RAVER2: variants seen among roughly 807,000 people sequenced by gnomAD.
The protein encoded by RAVER2 is ribonucleoprotein, PTB binding 2, also known as ribonucleoprotein PTB-binding 2.
A neutral mutation model predicts 78.1 loss-of-function variants in RAVER2; 46 were observed. That is an observed-to-expected ratio of 0.59 (90% CI 0.46 to 0.75). The LOEUF (loss-of-function observed/expected upper bound fraction) is 0.75, where lower values mean the gene tolerates loss of function less well. Among genes scored for constraint, RAVER2 ranks in the 30% least tolerant of loss-of-function variants. The pLI is 0.00. For synonymous variants in RAVER2, 311 were observed against 313.3 expected (o/e 0.99, Z 0.08); for missense variants, 793 against 837.5 (o/e 0.95, Z 0.66).
chr1:64,778,142 T>A (rs1218583204), intron 3 of RAVER2, 50 bp downstream of exon 3: 4 of 1,299,156 alleles, frequency 3.1e-6, no homozygotes, highest in Non-Finnish European at 4.2e-6. Flanking sequence ...TATACATATG[T>A]ATCTAATCTA....
At chr1:64,807,561 C>A in intron 9 of RAVER2, 87 bp downstream of exon 9, 1 of 1,268,668 alleles carries the variant, frequency 7.9e-7, no homozygotes, top group Non-Finnish European at 1.0e-6. Context: ...ATTGTCGTGT[C>A]AATGAAATGA....
chr1:64,814,948 A>C, intron 11 of RAVER2, 108 bp downstream of exon 11: 2 of 957,594 alleles, frequency 2.1e-6, no homozygotes, highest in Non-Finnish European at 2.9e-6. Flanking sequence ...TAGGCAAATC[A>C]AATTGCACTG....
rs1019817990 is a variant in RAVER2, at chr1:64,745,460, C to T, written c.249+39C>T. ...GATAGGGGCGACGCGTCCCGAGGGG[C>T]GGCGGGGCGGCGCTCCGTGTCCAGG... On this transcript the variant is annotated intron_variant, in intron 1 of 11. Coordinates refer to ENST00000294428, the Ensembl canonical transcript of RAVER2. The surrounding 1 kb of genome is among the most constrained non-coding windows in gnomAD (Gnocchi z 4.3). 8 of 1,481,540 alleles carry T rather than the reference C, an allele frequency of 5.4e-6. No homozygotes were observed. Among genetic ancestry groups the T allele is most frequent in the African/African-American group, 1.4e-5 (1 of 68,998 alleles). 91.8% of individuals were successfully genotyped at this position (1,481,540 alleles called of 1,614,324 possible). A position where few individuals can be genotyped will look rare whatever the true frequency, so the allele number is the denominator to read the frequency against.
chr1:64,829,959 C>A (rs1039946245), intron 11 of RAVER2, among the ~76,000 whole-genome samples: 2 of 151,946 alleles, frequency 1.3e-5, no homozygotes, highest in Non-Finnish European at 2.9e-5. Flanking sequence ...TCATCTGTTC[C>A]CTCTGAGGCT....
At chr1:64,804,475 A>C (rs2100873723) in intron 6 of RAVER2, among the ~76,000 whole-genome samples, 1 of 152,302 alleles carries the variant, frequency 6.6e-6, no homozygotes. Flanking sequence ...ATAGAATGTC[A>C]CTGTCATTGA....
Position 64,798,214 on chromosome 1 carries a change from A to G in RAVER2, c.1106-4762A>G, listed in dbSNP as rs372949787. On this transcript the variant is annotated intron_variant, in intron 5 of 11. Transcript: ENST00000294428. ...TTGCGATAGTTTACTGAGAATGATG[A>G]TTTCCAATTTCATCCATGTCCCTAC... Among the ~76,000 whole-genome samples, 485 of 129,912 alleles carry G rather than the reference A, an allele frequency of 3.7e-3. 6 individuals are homozygous for G. Among genetic ancestry groups the G allele is most frequent in the African/African-American group, 0.014 (465 of 34,390 alleles). 85.2% of individuals were successfully genotyped at this position (129,912 alleles called of 152,430 possible).
At chr1:64,750,421 A>G (rs1651668012) in intron 1 of RAVER2, among the ~76,000 whole-genome samples, 1 of 150,932 alleles carries the variant, frequency 6.6e-6, no homozygotes, top group African/African-American at 2.4e-5. Flanking sequence ...TGATCTTTCC[A>G]TCTCAGCCAT....
intron 1 of RAVER2, among the ~76,000 whole-genome samples, chr1:64,749,507 G>A (rs1475183258): frequency 3.3e-5 from 5 of 152,140 alleles, no homozygotes; most frequent in South Asian, 2.1e-4. Flanking sequence ...CACCGTGCCC[G>A]GCCAGTCCTG....
At chr1:64,810,832 CA>C (rs1653583401) in intron 9 of RAVER2, among the ~76,000 whole-genome samples, 1 of 152,096 alleles carries the variant, frequency 6.6e-6, no homozygotes, top group Non-Finnish European at 1.5e-5. Flanking sequence ...CCTAGAACAA[CA>C]CGGGTTTTAA....
intron 2 of RAVER2, among the ~76,000 whole-genome samples, chr1:64,772,094 G>T (rs61784680): frequency 0.03 from 4,574 of 152,186 alleles, 75 homozygotes; most frequent in African/African-American, 0.044. Flanking sequence ...AAGGAAAATG[G>T]TAATGTAATT....
intron 1 of RAVER2, among the ~76,000 whole-genome samples, chr1:64,759,365 C>T (rs1309393849): frequency 2.7e-5 from 4 of 150,754 alleles, no homozygotes; most frequent in African/African-American, 7.3e-5. Flanking sequence ...AACTACAAGG[C>T]GCCCGCCACC....
At chr1:64,833,108 A>T (rs2780889) in exon 12 of RAVER2, 88,626 of 178,872 alleles carry the variant, frequency 0.5, 25,746 homozygotes, top group African/African-American at 0.84. Flanking sequence ...TTTGTTTGTT[A>T]GTAGTAAGGA....
intron 7 of RAVER2, 45 bp downstream of exon 7, chr1:64,804,883 T>C: frequency 6.6e-7 from 1 of 1,510,284 alleles, no homozygotes; most frequent in East Asian, 2.3e-5. Flanking sequence ...TTCATTTCTT[T>C]TCTAGAATCA....
At chr1:64,806,103 A>G (rs1167963110) in intron 8 of RAVER2, among the ~76,000 whole-genome samples, 1 of 152,236 alleles carries the variant, frequency 6.6e-6, no homozygotes, top group African/African-American at 2.4e-5. Flanking sequence ...AATTTATAAA[A>G]TGGTAAATCT....
At chr1:64,811,419 A>C (rs12083851) in intron 9 of RAVER2, among the ~76,000 whole-genome samples, 1 of 152,138 alleles carries the variant, frequency 6.6e-6, no homozygotes, top group Admixed American at 6.5e-5. Flanking sequence ...ATAACATCCT[A>C]CAATCCATAA....
At position 64,803,065 on chromosome 1, in the gene RAVER2, C is replaced by T; in HGVS notation, c.1191+4C>T. On this transcript the variant is annotated splice_donor_region_variant and intron_variant, in intron 6 of 11. Transcript: ENST00000294428. ...ACATTTGAATAAAGCACATCAGGTA[C>T]ATAAATAACATTGAGTACTGAAGCA... 6.4e-7 allele frequency: 1 copy of T among 1,562,776 alleles called. No individual in the cohort carries two copies. Among genetic ancestry groups the T allele is most frequent in the Non-Finnish European group, 8.8e-7 (1 of 1,135,776 alleles).
At position 64,806,784 on chromosome 1, in the gene RAVER2, A is replaced by T. The variant is rs377310805; in HGVS notation, c.1412-422A>T. 2.6e-5 allele frequency among the ~76,000 whole-genome samples: 4 copies of T among 152,190 alleles called. No homozygotes were observed. The East Asian group carries it at 7.7e-4, about 29-fold the overall frequency. ...AAACTTCATTAAATTTTAATTTCAG[A>T]TAACTTTTTAAACTTAAAACTTAAT... On this transcript the variant is annotated intron_variant, in intron 8 of 11. Transcript: ENST00000294428.
At chr1:64,781,319 C>A (rs552426418) in intron 3 of RAVER2, 61 bp from the exon 4 acceptor site, 4 of 1,402,224 alleles carry the variant, frequency 2.9e-6, no homozygotes, top group African/African-American at 1.4e-5. Flanking sequence ...AATTATATAT[C>A]GTAAATAAAT....
At position 64,814,839 on chromosome 1, in the gene RAVER2, A is replaced by G; in HGVS notation, c.1928A>G (p.Gln643Arg). 7.1e-6 allele frequency: 11 copies of G among 1,551,526 alleles called. No individual in the cohort carries two copies. The highest frequency in any genetic ancestry group is 9.6e-6 in the Non-Finnish European group (11 of 1,147,406). Residue 643 changes from glutamine to arginine, a missense_variant and splice_region_variant, in exon 11 of 12, where the codon CAG becomes CGG. Transcript: ENST00000294428. ...TCTCCACCTTTTGGTGATTATGCAC[A>G]GGTAAATAATTCCCAGGTTCTGATG...
Sources: allele counts gnomAD v4.1 joint callset (sites outside exome capture counted in the v4.1 genomes callset), GRCh38; gene constraint gnomAD v4.1.1; non-coding constraint Gnocchi (gnomAD v3.1); transcripts MANE v1.5; gene names NCBI Gene and HGNC (gene_info 2026-07-23, HGNC 2026-07-21).